The following PPM1B variants were observed in gnomAD, a reference collection of about 807,000 sequenced individuals.
The protein encoded by PPM1B is protein phosphatase, Mg2+/Mn2+ dependent 1B.
In PPM1B, 22 loss-of-function variants were observed where a neutral mutation model predicts 43.0. The observed-to-expected ratio is 0.51, with a 90% CI of 0.37 to 0.73. PPM1B has a LOEUF of 0.73. PPM1B is among the 30% of genes least tolerant of loss of function. The pLI, the probability that PPM1B is intolerant of heterozygous loss-of-function variation, is 0.00. For missense variants in PPM1B, 632 were observed against 584.2 expected, an observed-to-expected ratio of 1.08 and a Z score of -0.84; for synonymous variants, 217 against 197.9, an observed-to-expected ratio of 1.10 and a Z score of -0.81.
chr2:44,230,910 A>C lies in PPM1B; in HGVS notation c.*192A>C. ...TAGTGTAAAATTGACTATTTATAGTACTATGGATTTAATGAAATTATATGT... is the reference window on the plus strand; with the variant it reads ...TAGTGTAAAATTGACTATTTATAGTCCTATGGATTTAATGAAATTATATGT... On this transcript the variant is annotated 3_prime_UTR_variant, in exon 6 of 6. Transcript: ENST00000282412. The C allele has an allele frequency of 8.1e-7, 1 of 1,240,188 alleles. No individual in the cohort carries two copies. The highest frequency in any genetic ancestry group is 1.0e-6 in the Non-Finnish European group (1 of 973,812). 76.8% of individuals were successfully genotyped at this position (1,240,188 alleles called of 1,614,324 possible).
downstream of PPM1B, among the ~76,000 whole-genome samples, chr2:44,236,484 ATTC>A (rs1670617838): frequency 2.7e-5 from 4 of 147,458 alleles, no homozygotes; most frequent in Admixed American, 2.1e-4. Context: ...GCTAGTTGTG[ATTC>A]TTCTTTCTAC....
intron 1 of PPM1B, among the ~76,000 whole-genome samples, chr2:44,177,646 C>T (rs185104511): frequency 1.9e-3 from 284 of 152,028 alleles, no homozygotes; most frequent in Admixed American, 4.0e-3. Flanking sequence ...TCTCGAACTC[C>T]TGACCTCAAG....
intron 1 of PPM1B, among the ~76,000 whole-genome samples, chr2:44,190,408 C>T (rs889312776): frequency 5.3e-5 from 8 of 152,128 alleles, no homozygotes; most frequent in African/African-American, 1.9e-4. Flanking sequence ...ATCTGCCCGT[C>T]TCAGCCTCCC....
chr2:44,232,177 A>G, downstream of PPM1B: 2 of 1,299,140 alleles, frequency 1.5e-6, no homozygotes, highest in Non-Finnish European at 2.1e-6. Flanking sequence ...GCAATACACA[A>G]CATCTCTCTG....
At chr2:44,244,394 C>A, downstream of PPM1B, 1 of 1,328,638 alleles carries the variant, frequency 7.5e-7, no homozygotes, top group South Asian at 1.2e-5. Flanking sequence ...AGTATTTGTA[C>A]TGCTGTTAAC....
rs564601861 is a variant in PPM1B, at chr2:44,192,277, G to A, written c.-14-8909G>A. Among the ~76,000 whole-genome samples the A allele has an allele frequency of 3.6e-3, 544 of 151,986 alleles. 3 individuals carry two copies. The highest frequency in any genetic ancestry group is 0.013 in the African/African-American group (526 of 41,386). On this transcript the variant is annotated intron_variant, in intron 1 of 5. Coordinates refer to ENST00000282412, the MANE Select transcript of PPM1B (RefSeq NM_002706.6). ...CTGTCGCCCAGGCTGGAGTGCAGTG[G>A]CACGATCTCGGCTCACTGCAACCTC...
rs566508514 is a variant in PPM1B at position 44,226,932 on chromosome 2, TTTTATTTATTTATTTA to T, written c.1135-3455_1135-3440del. Among the ~76,000 whole-genome samples, 132 of 135,028 alleles carry T rather than the reference TTTTATTTATTTATTTA, an allele frequency of 9.8e-4. 1 individual carries two copies. Among genetic ancestry groups the T allele is most frequent in the Middle Eastern group, 3.7e-3 (1 of 270 alleles). The allele number at this position is 135,028 out of a possible 152,430, so 88.6% of individuals were successfully genotyped here. ...CCTGAATAGATTAAAATGGGAAACTTTTTATTTATTTATTTATTTATTTATTTATTTATTTATTTAT... is the reference window on the plus strand; with the variant it reads ...CCTGAATAGATTAAAATGGGAAACTTTTTATTTATTTATTTATTTATTTAT... On this transcript the variant is annotated intron_variant, in intron 5 of 5. Coordinates refer to ENST00000282412, the MANE Select transcript of PPM1B (RefSeq NM_002706.6).
intron 1 of PPM1B, among the ~76,000 whole-genome samples, chr2:44,182,997 G>C (rs764625094): frequency 5.3e-5 from 8 of 152,162 alleles, no homozygotes; most frequent in Non-Finnish European, 7.3e-5. Flanking sequence ...GTTGGGTCTT[G>C]CAGAATTCCC....
chr2:44,228,187 C>CA (rs1670308034), intron 5 of PPM1B, among the ~76,000 whole-genome samples: 1 of 115,166 alleles, frequency 8.7e-6, no homozygotes, highest in Non-Finnish European at 1.7e-5. Context: ...CTAACAAGCC[C>CA]TTTTTTTTTT....
chr2:44,175,127 G>GCCACA (rs2103996053), intron 1 of PPM1B, among the ~76,000 whole-genome samples: 1 of 152,270 alleles, frequency 6.6e-6, no homozygotes, highest in African/African-American at 2.4e-5. Context: ...GGCGGCATGT[G>GCCACA]CCTGTAATCC....
intron 5 of PPM1B, among the ~76,000 whole-genome samples, chr2:44,227,421 G>A (rs996139002): frequency 6.6e-6 from 1 of 151,828 alleles, no homozygotes; most frequent in Non-Finnish European, 1.5e-5. Flanking sequence ...TTATATTGCT[G>A]TATTTCCTTT....
At chr2:44,209,422 G>C in intron 3 of PPM1B, 95 bp downstream of exon 3, 2 of 1,340,366 alleles carry the variant, frequency 1.5e-6, no homozygotes, top group Non-Finnish European at 2.0e-6. Context: ...ACACACCAAG[G>C]CTCTGTCTCA....
chr2:44,227,790 G>A (rs1021057335), intron 5 of PPM1B, among the ~76,000 whole-genome samples: 3 of 151,702 alleles, frequency 2.0e-5, no homozygotes, highest in Admixed American at 6.6e-5. Flanking sequence ...AAAGTGCTGC[G>A]ATTACAGGCA....
chr2:44,188,396 T>TC (rs1156323061), intron 1 of PPM1B, among the ~76,000 whole-genome samples: 16 of 142,616 alleles, frequency 1.1e-4, no homozygotes, highest in South Asian at 8.8e-4. Context: ...TTTCTTTCTT[T>TC]TTTTTTTTTT....
downstream of PPM1B, chr2:44,232,754 ATATGT>A: frequency 1.0e-6 from 1 of 990,810 alleles, no homozygotes; most frequent in Non-Finnish European, 1.2e-6. Context: ...GAATTGTATG[ATATGT>A]TCCTTTTTTC....
chr2:44,222,318 C>A (rs1366305569), intron 5 of PPM1B, among the ~76,000 whole-genome samples: 2 of 152,054 alleles, frequency 1.3e-5, no homozygotes, highest in Non-Finnish European at 2.9e-5. Flanking sequence ...TAGTAATTTT[C>A]TTAAGGCTGT....
chr2:44,215,164 A>G (rs1669664133), intron 3 of PPM1B, among the ~76,000 whole-genome samples: 1 of 152,248 alleles, frequency 6.6e-6, no homozygotes. Flanking sequence ...GGCAGCCACT[A>G]CAAATCAATT....
At chr2:44,211,909 C>G (rs554914562) in intron 3 of PPM1B, among the ~76,000 whole-genome samples, 11 of 152,128 alleles carry the variant, frequency 7.2e-5, no homozygotes, top group Middle Eastern at 3.4e-3. Context: ...GCCACCACAC[C>G]CGGCCAATTT....
At chr2:44,187,334 T>C (rs1205206218) in intron 1 of PPM1B, among the ~76,000 whole-genome samples, 1 of 152,242 alleles carries the variant, frequency 6.6e-6, no homozygotes, top group African/African-American at 2.4e-5. Context: ...GGGTTGCTTC[T>C]ACCTCTTGGC....
Sources: gnomAD v4.1 joint callset for allele counts (sites outside exome capture counted in the v4.1 genomes callset) on GRCh38, gnomAD v4.1.1 for gene constraint, MANE v1.5 for transcripts, NCBI Gene and HGNC (gene_info 2026-07-23, HGNC 2026-07-21) for gene names.